Variants in PDE9A observed in about 807,000 individuals in gnomAD.
PDE9A encodes the protein high affinity cGMP-specific 3',5'-cyclic phosphodiesterase 9A.
In PDE9A, 60 loss-of-function variants were observed where a neutral mutation model predicts 87.4. That is an observed-to-expected ratio of 0.69 (90% CI 0.56 to 0.85). PDE9A has a LOEUF of 0.85. Ranked by LOEUF, PDE9A falls within the 40% of genes least tolerant of loss-of-function variation. The pLI is 0.00. For missense variants in PDE9A, 665 were observed against 779.0 expected, an observed-to-expected ratio of 0.85 and a Z score of 1.74; for synonymous variants, 272 against 279.4, an observed-to-expected ratio of 0.97 and a Z score of 0.27.
intron 7 of PDE9A, among the ~76,000 whole-genome samples, chr21:42,742,119 G>A (rs1175121801): frequency 6.6e-6 from 1 of 152,172 alleles, no homozygotes; most frequent in Admixed American, 6.6e-5. Flanking sequence ...CGCTCGCTCG[G>A]AGGCATAAGC....
intron 3 of PDE9A, chr21:42,689,528 C>T: frequency 1.0e-6 from 1 of 985,358 alleles, no homozygotes; most frequent in Non-Finnish European, 1.2e-6. Context: ...TCAGAGGGGA[C>T]CTCACAGAAA....
In PDE9A at chr21:42,760,757, C is replaced by T. The variant is rs761253943; in HGVS notation, c.1003-68C>T. The T allele has an allele frequency of 1.9e-5, 2 of 105,744 alleles. No individual in the cohort carries two copies. The highest frequency in any genetic ancestry group is 7.5e-5 in the East Asian group (1 of 13,320). The allele number at this position is 105,744 out of a possible 1,614,324, so 6.6% of individuals were successfully genotyped here. On this transcript the variant is annotated intron_variant, in intron 12 of 19. Transcript: ENST00000291539. The surrounding 1 kb of genome is among the most constrained non-coding windows in gnomAD (Gnocchi z 5.2). ...CCCGCTTACCACTCACCCAATTCCA[C>T]CCCCCCTCACCCCATCCCACCCTCC...
chr21:42,727,077 CAAAAAAA>C (rs34249348), intron 4 of PDE9A, among the ~76,000 whole-genome samples: 4 of 81,674 alleles, frequency 4.9e-5, no homozygotes, highest in Non-Finnish European at 7.1e-5. Context: ...TCTATTTCTA[CAAAAAAA>C]AAAAAAAAAA....
At chr21:42,680,795 A>C (rs1326024926) in intron 1 of PDE9A, among the ~76,000 whole-genome samples, 1 of 152,166 alleles carries the variant, frequency 6.6e-6, no homozygotes, top group Non-Finnish European at 1.5e-5. Context: ...GCCTTTCTGA[A>C]GGTCAAGGCA....
chr21:42,773,962 G>A (rs574973924), intron 19 of PDE9A, among the ~76,000 whole-genome samples: 8 of 151,674 alleles, frequency 5.3e-5, no homozygotes, highest in South Asian at 2.1e-4. Flanking sequence ...AAAATTAGCC[G>A]GGCGTGGTGG....
At chr21:42,718,455 C>T (rs915497604) in intron 4 of PDE9A, among the ~76,000 whole-genome samples, 10 of 151,552 alleles carry the variant, frequency 6.6e-5, no homozygotes, top group African/African-American at 1.9e-4. Context: ...TGCAGCTTTG[C>T]GGTTTTTTAT....
At position 42,675,324 on chromosome 21, in the gene PDE9A, G is replaced by A. The variant is rs2058790544; in HGVS notation, c.70-10868G>A. On this transcript the variant is annotated intron_variant, in intron 1 of 19. Transcript: ENST00000291539. The surrounding 1 kb of genome is among the most constrained non-coding windows in gnomAD (Gnocchi z 4.3). Reference sequence around the variant, plus strand: ...CTCAGCTTAATTCCATTTCTCTGCAGTGAATAATCCAGAGGAACACGCTCA... The same window carrying A: ...CTCAGCTTAATTCCATTTCTCTGCAATGAATAATCCAGAGGAACACGCTCA... Among the ~76,000 whole-genome samples the A allele has an allele frequency of 6.6e-6, 1 of 152,210 alleles. No individual in the cohort carries two copies. Among genetic ancestry groups the A allele is most frequent in the African/African-American group, 2.4e-5 (1 of 41,442 alleles).
chr21:42,740,222 T>C (rs527291239), intron 7 of PDE9A, among the ~76,000 whole-genome samples: 1 of 152,042 alleles, frequency 6.6e-6, no homozygotes, highest in South Asian at 2.1e-4. Context: ...GGCAGGAGGA[T>C]TGCTTTAGCC....
intron 1 of PDE9A, among the ~76,000 whole-genome samples, chr21:42,669,072 G>A (rs1489967668): frequency 6.6e-6 from 1 of 152,050 alleles, no homozygotes; most frequent in East Asian, 1.9e-4. Flanking sequence ...CATTGCTTGC[G>A]AAAAAGATTC....
Position 42,658,487 on chromosome 21 carries a change from G to A in PDE9A, c.69+4604G>A, listed in dbSNP as rs111515594. 1.6e-3 allele frequency among the ~76,000 whole-genome samples: 238 copies of A among 152,258 alleles called. 1 individual carries two copies. Among genetic ancestry groups the A allele is most frequent in the African/African-American group, 5.5e-3 (230 of 41,570 alleles). ...CATGGTGGGGCCTTAAGCCCTACCC[G>A]GCTCCTGCGTGCCTTTCCCCTCTCC... On this transcript the variant is annotated intron_variant, in intron 1 of 19. Coordinates refer to ENST00000291539, the MANE Select transcript of PDE9A (RefSeq NM_002606.3).
At chr21:42,679,837 T>C (rs892776039) in intron 1 of PDE9A, among the ~76,000 whole-genome samples, 3 of 152,222 alleles carry the variant, frequency 2.0e-5, no homozygotes, top group African/African-American at 7.2e-5. Context: ...CGCAGCCCCC[T>C]GGAGGCCAGA....
chr21:42,654,564 T>G (rs545607405), intron 1 of PDE9A, among the ~76,000 whole-genome samples: 29 of 152,098 alleles, frequency 1.9e-4, no homozygotes, highest in Admixed American at 1.5e-3. Flanking sequence ...TCTCATGAGC[T>G]CCCCCTAAAG....
At position 42,702,608 on chromosome 21, in the gene PDE9A, T is replaced by A. The variant is rs1451226716; in HGVS notation, c.262+3597T>A. Among the ~76,000 whole-genome samples, 2 of 152,236 alleles carry A rather than the reference T, an allele frequency of 1.3e-5. No homozygotes were observed. The highest frequency in any genetic ancestry group is 2.9e-5 in the Non-Finnish European group (2 of 68,038). On this transcript the variant is annotated intron_variant, in intron 4 of 19. Coordinates refer to ENST00000291539, the MANE Select transcript of PDE9A (RefSeq NM_002606.3). The surrounding 1 kb of genome is among the most constrained non-coding windows in gnomAD (Gnocchi z 4.9). The stretch of plus-strand genomic sequence containing the variant: ...CCAGTTAAGAGTGTTGGGCTTTGCC[T>A]TGGCAAGCAGTTAAGTTACTTGCAC...
intron 1 of PDE9A, among the ~76,000 whole-genome samples, chr21:42,656,859 G>A (rs1313280928): frequency 6.6e-6 from 1 of 152,200 alleles, no homozygotes; most frequent in Non-Finnish European, 1.5e-5. Flanking sequence ...CGAGAACCTT[G>A]GGTCAGTTAC....
chr21:42,764,404 G>C (rs1294481611), intron 14 of PDE9A, among the ~76,000 whole-genome samples: 1 of 152,212 alleles, frequency 6.6e-6, no homozygotes, highest in Non-Finnish European at 1.5e-5. Flanking sequence ...GTCTGCAGTA[G>C]GTCAAGGAGC....
intron 19 of PDE9A, 108 bp downstream of exon 19, chr21:42,772,628 TGAATG>T: frequency 2.6e-6 from 2 of 775,104 alleles, no homozygotes; most frequent in Non-Finnish European, 4.2e-6. Flanking sequence ...TACCTTTAAA[TGAATG>T]GAACTTTTTT....
At chr21:42,774,919 G>A (rs992221750) in intron 19 of PDE9A, among the ~76,000 whole-genome samples, 4 of 146,560 alleles carry the variant, frequency 2.7e-5, no homozygotes, top group Admixed American at 6.9e-5. Context: ...ATCCTGTAAC[G>A]TTTCTGCGAC....
chr21:42,673,086 A>G (rs2058652126), intron 1 of PDE9A, among the ~76,000 whole-genome samples: 1 of 152,164 alleles, frequency 6.6e-6, no homozygotes, highest in Admixed American at 6.5e-5. Flanking sequence ...CGGGCCCTCT[A>G]TCTGCATGAC....
chr21:42,653,953 G>A, intron 1 of PDE9A, 70 bp downstream of exon 1: 2 of 938,180 alleles, frequency 2.1e-6, no homozygotes, highest in South Asian at 3.0e-5. Flanking sequence ...GCGCGGCGGG[G>A]CGGGACTGTC....
Sources: gnomAD v4.1 joint callset for allele counts (sites outside exome capture counted in the v4.1 genomes callset) on GRCh38, gnomAD v4.1.1 for gene constraint, Gnocchi (gnomAD v3.1) non-coding constraint, MANE v1.5 for transcripts, NCBI Gene and HGNC (gene_info 2026-07-23, HGNC 2026-07-21) for gene names.